Variants in RNASEH2B observed in about 807,000 individuals in gnomAD.
The protein encoded by RNASEH2B is Aicardi-Goutieres syndrome 2 protein.
RNASEH2B carries 36 observed loss-of-function variants against 45.0 expected under a neutral mutation model. The observed-to-expected ratio is 0.80, with a 90% CI of 0.61 to 1.06. RNASEH2B has a LOEUF of 1.06. Ranked by LOEUF, RNASEH2B falls within the 50% of genes least tolerant of loss-of-function variation. The probability of loss-of-function intolerance (pLI) is 0.00; values close to 1 mark genes in which losing one functional copy is unlikely to be tolerated. For missense variants in RNASEH2B, 361 were observed against 360.3 expected, an observed-to-expected ratio of 1.00 and a Z score of -0.02; for synonymous variants, 119 against 125.7, an observed-to-expected ratio of 0.95 and a Z score of 0.35.
chr13:50,932,346 C>T (rs1030990833), intron 4 of RNASEH2B, among the ~76,000 whole-genome samples: 2 of 152,244 alleles, frequency 1.3e-5, no homozygotes, highest in East Asian at 1.9e-4. Flanking sequence ...ACCTCACTTT[C>T]ATCACAGATA....
intron 5 of RNASEH2B, among the ~76,000 whole-genome samples, chr13:50,940,333 A>G (rs1357152712): frequency 1.3e-5 from 2 of 152,158 alleles, no homozygotes; most frequent in African/African-American, 4.8e-5. Flanking sequence ...CATTTTTCCA[A>G]ACTCCTCGAT....
chr13:50,931,029 T>C (rs1951675258), intron 4 of RNASEH2B, among the ~76,000 whole-genome samples: 1 of 152,212 alleles, frequency 6.6e-6, no homozygotes, highest in South Asian at 2.1e-4. Flanking sequence ...ACCTTACTGC[T>C]TGACAAAGCC....
At position 50,934,957 on chromosome 13, in the gene RNASEH2B, C is replaced by G. The variant is rs780398368; in HGVS notation, c.394C>G (p.Pro132Ala). Residue 132 changes from proline (P) to alanine (A), a missense_variant, in exon 5 of 11, where the codon CCT becomes GCT. Physicochemically the swap from Pro to Ala is conservative, Grantham distance 27 (BLOSUM62 -1). Coordinates refer to ENST00000336617, the MANE Select transcript of RNASEH2B (RefSeq NM_024570.4). ...FPNCILLLKL[P>A]GLEKLLHHVT... ...AAATTGCATCTTGTTGCTGAAACTTCCTGGACTTGAGAAGTTACTTCATCA... is the reference window on the plus strand; with the variant it reads ...AAATTGCATCTTGTTGCTGAAACTTGCTGGACTTGAGAAGTTACTTCATCA... 2 of 1,613,894 alleles carry G rather than the reference C, an allele frequency of 1.2e-6. No homozygotes were observed. Among genetic ancestry groups the G allele is most frequent in the African/African-American group, 2.7e-5 (2 of 75,004 alleles).
At chr13:50,967,287 A>G (rs1952174590) in intron 9 of RNASEH2B, among the ~76,000 whole-genome samples, 1 of 152,218 alleles carries the variant, frequency 6.6e-6, no homozygotes. Flanking sequence ...CAAAATGCTC[A>G]TACTGGGTTT....
intron 5 of RNASEH2B, among the ~76,000 whole-genome samples, chr13:50,939,394 C>T (rs529093381): frequency 6.6e-6 from 1 of 150,522 alleles, no homozygotes; most frequent in African/African-American, 2.4e-5. Flanking sequence ...GTGGTATGTG[C>T]CTATAGTTCC....
chr13:50,914,304 A>G (rs1879607376), intron 1 of RNASEH2B, among the ~76,000 whole-genome samples: 2 of 152,146 alleles, frequency 1.3e-5, no homozygotes, highest in Non-Finnish European at 2.9e-5. Flanking sequence ...ATGTATGTAT[A>G]TGTTTGTGTT....
intron 1 of RNASEH2B, among the ~76,000 whole-genome samples, chr13:50,922,946 T>C (rs1185625517): frequency 6.6e-6 from 1 of 152,206 alleles, no homozygotes; most frequent in African/African-American, 2.4e-5. Context: ...AAGGAAAGTA[T>C]GACAATGAAG....
intron 1 of RNASEH2B, among the ~76,000 whole-genome samples, chr13:50,913,641 A>C (rs897156265): frequency 2.0e-5 from 3 of 152,186 alleles, no homozygotes; most frequent in Non-Finnish European, 4.4e-5. Flanking sequence ...AGTTAGAGAC[A>C]AGTTTTGCAA....
rs148995284 is a variant in RNASEH2B at position 50,932,976 on chromosome 13, A to G, written c.322-1909A>G. On this transcript the variant is annotated intron_variant, in intron 4 of 10. Transcript: ENST00000336617. ...TTAGTGAAGTTTTATCCCTTCGTTT[A>G]ATCATGTGTCCCATTATCTGGAAGC... Among the ~76,000 whole-genome samples the G allele has an allele frequency of 2.6e-5, 4 of 152,258 alleles. No individual in the cohort carries two copies. In the East Asian group the frequency reaches 5.8e-4, roughly 22 times the overall value.
intron 10 of RNASEH2B, chr13:50,955,176 T>C (rs1952028610): frequency 6.6e-6 from 1 of 152,246 alleles, no homozygotes; most frequent in African/African-American, 2.4e-5. Context: ...GTTTTTATGC[T>C]TAGGAAGGCC....
chr13:50,917,039 G>T (rs1049569128), intron 1 of RNASEH2B, among the ~76,000 whole-genome samples: 1 of 152,168 alleles, frequency 6.6e-6, no homozygotes, highest in African/African-American at 2.4e-5. Flanking sequence ...GTGTCTGCTG[G>T]GAGGGGTCTC....
intron 1 of RNASEH2B, among the ~76,000 whole-genome samples, chr13:50,926,760 A>G (rs970382369): frequency 6.6e-6 from 1 of 152,098 alleles, no homozygotes; most frequent in Non-Finnish European, 1.5e-5. Context: ...TGTCTTTTAT[A>G]TGGCAAAAAT....
Position 50,956,502 on chromosome 13 carries a change from T to C in RNASEH2B, c.*28T>C, listed in dbSNP as rs1381024125. On this transcript the variant is annotated 3_prime_UTR_variant, in exon 11 of 11. Transcript: ENST00000336617. ...CTTTGAAAATAAAATCTAGCAAAAA[T>C]ATTTGCTTTTTACATGTTTCAGTTT... 1 of 1,581,284 alleles carries C rather than the reference T, an allele frequency of 6.3e-7. No homozygotes were observed. Among genetic ancestry groups the C allele is most frequent in the African/African-American group, 1.4e-5 (1 of 74,030 alleles).
intron 1 of RNASEH2B, among the ~76,000 whole-genome samples, chr13:50,917,847 C>T (rs1049030177): frequency 1.3e-5 from 2 of 152,146 alleles, no homozygotes; most frequent in Non-Finnish European, 2.9e-5. Flanking sequence ...ATACCTCCTT[C>T]CCTGGAACCA....
In RNASEH2B at chr13:50,909,849, C is replaced by A. The variant is rs577725827; in HGVS notation, c.-228C>A. 4.8e-4 allele frequency: 198 copies of A among 413,958 alleles called. No individual in the cohort carries two copies. The highest frequency in any genetic ancestry group is 7.6e-4 in the Non-Finnish European group (177 of 232,690). 25.6% of individuals were successfully genotyped at this position (413,958 alleles called of 1,614,324 possible). On this transcript the variant is annotated 5_prime_UTR_variant, in exon 1 of 11. Transcript: ENST00000336617. ...CTTCCCGTTGCCTGCGGCCACCGGC[C>A]GGCATTCAGAGCCCCTCGCCTGGCG...
intron 10 of RNASEH2B, 114 bp from the exon 11 acceptor site, chr13:50,956,244 G>C: frequency 1.2e-6 from 1 of 828,954 alleles, no homozygotes; most frequent in East Asian, 2.8e-5. Context: ...CATGTTAGTG[G>C]GGGATGCTTA....
At chr13:50,931,479 A>G (rs772722413) in intron 4 of RNASEH2B, among the ~76,000 whole-genome samples, 15 of 152,222 alleles carry the variant, frequency 9.9e-5, no homozygotes, top group Non-Finnish European at 8.8e-5. Context: ...ACACATTTTT[A>G]TTGAAACAAA....
At chr13:50,911,956 C>T (rs1879426805) in intron 1 of RNASEH2B, 1 of 152,042 alleles carries the variant, frequency 6.6e-6, no homozygotes, top group Non-Finnish European at 1.5e-5. Context: ...AACACAAAAC[C>T]CTCAAAAGAA....
intron 1 of RNASEH2B, chr13:50,915,611 G>A: frequency 2.5e-6 from 1 of 396,530 alleles, no homozygotes; most frequent in Non-Finnish European, 4.4e-6. Flanking sequence ...TCCCTGAGTG[G>A]CCATTTCGCT....
Sources: gnomAD v4.1 joint callset for allele counts (sites outside exome capture counted in the v4.1 genomes callset) on GRCh38, gnomAD v4.1.1 for gene constraint, MANE v1.5 for transcripts, NCBI Gene and HGNC (gene_info 2026-07-23, HGNC 2026-07-21) for gene names.